The following MLLT3 variants were observed in gnomAD, a reference collection of about 807,000 sequenced individuals.
MLLT3 encodes protein AF-9.
Under a neutral mutation model 53.2 loss-of-function variants are expected in MLLT3, and 4 were observed. That is an observed-to-expected ratio of 0.08 (90% CI 0.04 to 0.17). The LOEUF (loss-of-function observed/expected upper bound fraction) is 0.17, where lower values mean the gene tolerates loss of function less well. MLLT3 is among the 10% of genes least tolerant of loss of function. The pLI is 1.00. For missense variants in MLLT3, 569 were observed against 684.0 expected (o/e 0.83, Z 1.87); for synonymous variants, 283 against 230.6 (o/e 1.23, Z -2.06).
chr9:20,563,302 T>TG (rs1819264329), intron 2 of MLLT3, among the ~76,000 whole-genome samples: 1 of 151,996 alleles, frequency 6.6e-6, no homozygotes, highest in Non-Finnish European at 1.5e-5. Context: ...ACACTTTTTT[T>TG]TTTAAAGATC....
intron 4 of MLLT3, among the ~76,000 whole-genome samples, chr9:20,432,471 T>C (rs958609785): frequency 7.9e-4 from 120 of 152,282 alleles, no homozygotes; most frequent in African/African-American, 2.8e-3. Flanking sequence ...AAGTATTATA[T>C]TGCTGGTCAA....
intron 4 of MLLT3, among the ~76,000 whole-genome samples, chr9:20,425,248 C>A (rs1361601957): frequency 6.6e-6 from 1 of 152,032 alleles, no homozygotes; most frequent in African/African-American, 2.4e-5. Flanking sequence ...TAATATGGAG[C>A]AAATGGGTTA....
At chr9:20,515,644 G>C (rs1296609471) in intron 2 of MLLT3, among the ~76,000 whole-genome samples, 2 of 152,052 alleles carry the variant, frequency 1.3e-5, no homozygotes. Flanking sequence ...AAATCTTTTA[G>C]AATGGCCAGG....
intron 4 of MLLT3, 84 bp from the exon 5 acceptor site, chr9:20,414,509 C>T: frequency 6.4e-7 from 1 of 1,566,688 alleles, no homozygotes; most frequent in East Asian, 2.2e-5. Context: ...AATGATCCTT[C>T]TTTGATTCCT....
rs950713463 is a variant in MLLT3, at chr9:20,622,417, TGCTC to T, written c.-165_-162del. The T allele has an allele frequency of 1.9e-5, 12 of 644,718 alleles. No individual in the cohort carries two copies. The highest frequency in any genetic ancestry group is 3.8e-5 in the African/African-American group (2 of 52,902). 39.9% of individuals were successfully genotyped at this position (644,718 alleles called of 1,614,324 possible). On this transcript the variant is annotated 5_prime_UTR_variant, in exon 1 of 11. Transcript: ENST00000380338. ...CTGCCTTTTTCCCCCCGCGCTCGCT[TGCTC>T]GCTCGCTCGCTTATTAAACTCAGCC...
intron 2 of MLLT3, among the ~76,000 whole-genome samples, chr9:20,470,149 T>G (rs956191058): frequency 2.0e-5 from 3 of 152,042 alleles, no homozygotes; most frequent in Admixed American, 6.6e-5. Flanking sequence ...GGTATTTAAC[T>G]AAAAGATGAA....
chr9:20,518,550 T>C (rs1288720696), intron 2 of MLLT3, among the ~76,000 whole-genome samples: 1 of 152,142 alleles, frequency 6.6e-6, no homozygotes, highest in East Asian at 1.9e-4. Flanking sequence ...AATCTCAAAG[T>C]ATCTCTCCCA....
intron 4 of MLLT3, among the ~76,000 whole-genome samples, chr9:20,447,243 C>A (rs187886445): frequency 4.6e-5 from 7 of 152,286 alleles, no homozygotes; most frequent in Middle Eastern, 3.4e-3. Context: ...TATAAGGCAT[C>A]TTGATGGGTT....
intron 3 of MLLT3, among the ~76,000 whole-genome samples, chr9:20,453,389 T>C (rs963468907): frequency 2.0e-5 from 3 of 152,056 alleles, no homozygotes; most frequent in East Asian, 1.9e-4. Flanking sequence ...GGTGAAACCC[T>C]GTCTCTACAA....
At chr9:20,450,050 T>C (rs1449799226) in intron 3 of MLLT3, among the ~76,000 whole-genome samples, 2 of 152,204 alleles carry the variant, frequency 1.3e-5, no homozygotes, top group East Asian at 1.9e-4. Flanking sequence ...TCATGCATTA[T>C]GTTAAACTAA....
Position 20,622,309 on chromosome 9 carries a change from C to T in MLLT3, c.-53G>A. On this transcript the variant is annotated 5_prime_UTR_variant, in exon 1 of 11. Transcript: ENST00000380338. ...TGTTGTGTGGTACCCCCCCCTCCTC[C>T]GCCCCCCCTCAGCTGTAATTCATGA... is the stretch of plus-strand genomic sequence containing the variant. The T allele has an allele frequency of 6.8e-7, 1 of 1,474,012 alleles. No individual in the cohort carries two copies. The highest frequency in any genetic ancestry group is 9.1e-7 in the Non-Finnish European group (1 of 1,096,060). The allele number at this position is 1,474,012 out of a possible 1,614,324, so 91.3% of individuals were successfully genotyped here.
At chr9:20,509,193 G>A (rs1171793400) in intron 2 of MLLT3, among the ~76,000 whole-genome samples, 1 of 152,196 alleles carries the variant, frequency 6.6e-6, no homozygotes, top group East Asian at 1.9e-4. Context: ...TCAGAGTCCA[G>A]ACTGGGTACC....
chr9:20,588,203 C>A (rs1448571345), intron 2 of MLLT3, among the ~76,000 whole-genome samples: 1 of 151,474 alleles, frequency 6.6e-6, no homozygotes, highest in Non-Finnish European at 1.5e-5. Context: ...TGATCTATAT[C>A]TCTGTTTTGG....
intron 2 of MLLT3, among the ~76,000 whole-genome samples, chr9:20,586,595 T>C (rs893005451): frequency 4.0e-5 from 6 of 151,664 alleles, no homozygotes; most frequent in African/African-American, 1.2e-4. Context: ...GAAACTGAGA[T>C]AGGCAAAATA....
At chr9:20,569,495 C>G (rs933671695) in intron 2 of MLLT3, among the ~76,000 whole-genome samples, 4 of 152,086 alleles carry the variant, frequency 2.6e-5, no homozygotes, top group Non-Finnish European at 5.9e-5. Flanking sequence ...AAACAGTCAC[C>G]AAGATGTCCC....
At chr9:20,380,471 A>G (rs754569410) in intron 5 of MLLT3, 2 of 152,058 alleles carry the variant, frequency 1.3e-5, no homozygotes, top group Non-Finnish European at 2.9e-5. Context: ...TTTAATCTTC[A>G]TAAAACAGGA....
At chr9:20,388,686 A>C (rs936908077) in intron 5 of MLLT3, among the ~76,000 whole-genome samples, 9 of 152,182 alleles carry the variant, frequency 5.9e-5, no homozygotes, top group African/African-American at 9.6e-5. Flanking sequence ...GGAAAAAAAA[A>C]CCACCATGAT....
intron 3 of MLLT3, among the ~76,000 whole-genome samples, chr9:20,450,071 A>G (rs576263874): frequency 6.6e-6 from 1 of 152,202 alleles, no homozygotes; most frequent in African/African-American, 2.4e-5. Context: ...AGTTACCTTC[A>G]TATGTGTCTT....
chr9:20,544,630 C>T (rs1476424704), intron 2 of MLLT3, among the ~76,000 whole-genome samples: 1 of 152,206 alleles, frequency 6.6e-6, no homozygotes, highest in East Asian at 1.9e-4. Flanking sequence ...TGTGCACTGT[C>T]ATTGGGGATA....
Sources: allele counts gnomAD v4.1 joint callset (sites outside exome capture counted in the v4.1 genomes callset), GRCh38; gene constraint gnomAD v4.1.1; transcripts MANE v1.5; gene names NCBI Gene and HGNC (gene_info 2026-07-23, HGNC 2026-07-21).